ADAMTS20: variants seen among roughly 807,000 people sequenced by gnomAD.
ADAMTS20 encodes the protein ADAM metallopeptidase with thrombospondin type 1 motif 20.
ADAMTS20 carries 225 observed loss-of-function variants against 260.1 expected under a neutral mutation model. The ratio of observed to expected loss-of-function variants is 0.87; its 90% confidence interval spans 0.78 to 0.97. ADAMTS20 has a LOEUF of 0.97. ADAMTS20 is among the 50% of genes least tolerant of loss of function. The probability of loss-of-function intolerance (pLI) is 0.00; values close to 1 mark genes in which losing one functional copy is unlikely to be tolerated. For synonymous variants in ADAMTS20, 802 were observed against 769.5 expected, an observed-to-expected ratio of 1.04 and a Z score of -0.70; for missense variants, 2,400 against 2,337.7, an observed-to-expected ratio of 1.03 and a Z score of -0.55.
At chr12:43,529,275 G>A (rs912311218) in intron 3 of ADAMTS20, among the ~76,000 whole-genome samples, 11 of 152,072 alleles carry the variant, frequency 7.2e-5, no homozygotes, top group African/African-American at 2.2e-4. Context: ...TAGATCCACC[G>A]ATTGATCCAG....
Position 43,431,407 on chromosome 12 carries a change from T to G in ADAMTS20, c.3186A>C (p.Ser1062=). Residue 1062 remains serine, a synonymous_variant, in exon 22 of 39, where the codon TCA becomes TCC. Coordinates refer to ENST00000389420, the MANE Select transcript of ADAMTS20 (RefSeq NM_025003.5). ...GACTCAGAGATTCAGGTTTGGTACT[T>G]GAATTACAGAAGCCATCACTCAAGT... The part of the protein sequence containing the change: ...VDHLSDGFCN[S]STKPESLSPC... 6.2e-7 allele frequency: 1 copy of G among 1,613,936 alleles called. No individual in the cohort carries two copies. Among genetic ancestry groups the G allele is most frequent in the Non-Finnish European group, 8.5e-7 (1 of 1,179,844 alleles).
At chr12:43,384,033 A>G (rs979400411) in intron 29 of ADAMTS20, 56 bp from the exon 30 acceptor site, 72 of 1,487,466 alleles carry the variant, frequency 4.8e-5, no homozygotes, top group Middle Eastern at 3.5e-4. Context: ...AAATTATATA[A>G]AAGTAGCCAA....
At chr12:43,466,542 ATAAATT>A (rs1592083640) in intron 9 of ADAMTS20, 104 bp downstream of exon 9, 1 of 1,009,312 alleles carries the variant, frequency 9.9e-7, no homozygotes. Context: ...GAAAGTAAAC[ATAAATT>A]TAAACAAGAA....
chr12:43,365,237 C>T lies in ADAMTS20; in HGVS notation c.5538+4053G>A, dbSNP rs139124673. On this transcript the variant is annotated intron_variant, in intron 37 of 38. Coordinates refer to ENST00000389420, the MANE Select transcript of ADAMTS20 (RefSeq NM_025003.5). ...AGAGGACTTCTTGCTAGCACATCTA[C>T]TTTACAAGACATACTAAAGGAAGTT... 8.1e-4 allele frequency among the ~76,000 whole-genome samples: 124 copies of T among 152,154 alleles called. 2 individuals are homozygous for T. Among genetic ancestry groups the T allele is most frequent in the African/African-American group, 2.6e-3 (110 of 41,568 alleles).
intron 18 of ADAMTS20, among the ~76,000 whole-genome samples, chr12:43,437,384 T>G (rs1941577347): frequency 6.6e-6 from 1 of 152,166 alleles, no homozygotes. Flanking sequence ...CAAAGATTTA[T>G]GTTTCCAAAT....
intron 7 of ADAMTS20, 43 bp from the exon 8 acceptor site, chr12:43,468,748 T>C: frequency 8.8e-7 from 1 of 1,137,388 alleles, no homozygotes; most frequent in East Asian, 2.4e-5. Flanking sequence ...TGGAAAACAC[T>C]ACCAAAATCA....
Position 43,431,366 on chromosome 12 carries a change from G to T in ADAMTS20, c.3227C>A (p.Thr1076Lys). ...PESLSPCELH[T>K]CASWQVGPWG... The stretch of plus-strand genomic sequence containing the variant: ...TGGTCCTACTTGCCAGGAAGCACAT[G>T]TATGAAGTTCACATGGACTCAGAGA... Residue 1076 changes from threonine to lysine, a missense_variant, in exon 22 of 39, where the codon ACA becomes AAA. Physicochemically the swap from Thr to Lys is moderately conservative, Grantham distance 78. Transcript: ENST00000389420. 1 of 1,613,944 alleles carries T rather than the reference G, an allele frequency of 6.2e-7. No homozygotes were observed. The highest frequency in any genetic ancestry group is 8.5e-7 in the Non-Finnish European group (1 of 1,179,856).
chr12:43,549,693 A>G (rs992556387), intron 2 of ADAMTS20, among the ~76,000 whole-genome samples: 1 of 152,162 alleles, frequency 6.6e-6, no homozygotes, highest in African/African-American at 2.4e-5. Context: ...GGCTATGTAA[A>G]TATTAGAGTG....
intron 28 of ADAMTS20, among the ~76,000 whole-genome samples, chr12:43,416,524 CTTTT>C (rs59341765): frequency 7.7e-6 from 1 of 130,710 alleles, no homozygotes. Context: ...TCAAACTGAC[CTTTT>C]TTTTTTTTTT....
chr12:43,466,052 AT>A (rs1942147072), intron 9 of ADAMTS20, among the ~76,000 whole-genome samples: 1 of 152,016 alleles, frequency 6.6e-6, no homozygotes, highest in Admixed American at 6.6e-5. Flanking sequence ...AAGAAACACC[AT>A]TTGGATAAAA....
intron 16 of ADAMTS20, among the ~76,000 whole-genome samples, chr12:43,440,292 G>A (rs952715951): frequency 2.0e-5 from 3 of 152,010 alleles, no homozygotes; most frequent in African/African-American, 4.8e-5. Flanking sequence ...GAGATTACAG[G>A]CATGCGCCAC....
intron 28 of ADAMTS20, among the ~76,000 whole-genome samples, chr12:43,405,056 C>G (rs1166102362): frequency 6.6e-6 from 1 of 151,468 alleles, no homozygotes; most frequent in Non-Finnish European, 1.5e-5. Context: ...TAAACTACTA[C>G]TCCTTAAACA....
chr12:43,464,630 C>A lies in ADAMTS20; in HGVS notation c.1470G>T (p.Glu490Asp). ...GSRYDGNKQC[E>D]LAFGPGSQMC... ...TTTGTGACCCAGGACCAAACGCAAG[C>A]TCACACTGCTTGTTTCCATCATATC... The change falls in exon 10 of 39, where the codon GAG becomes GAT. Residue 490 changes from glutamate (E) to aspartate (D), a missense_variant. Coordinates refer to ENST00000389420, the MANE Select transcript of ADAMTS20 (RefSeq NM_025003.5). 1 of 1,613,394 alleles carries A rather than the reference C, an allele frequency of 6.2e-7. No individual in the cohort carries two copies. The highest frequency in any genetic ancestry group is 8.5e-7 in the Non-Finnish European group (1 of 1,179,476).
chr12:43,549,741 GAAGA>G (rs1183537319), intron 2 of ADAMTS20, among the ~76,000 whole-genome samples: 2 of 152,084 alleles, frequency 1.3e-5, no homozygotes, highest in Admixed American at 1.3e-4. Context: ...ATTTTACATG[GAAGA>G]AAGAAAGGAA....
At chr12:43,411,692 A>C (rs1169947717) in intron 28 of ADAMTS20, among the ~76,000 whole-genome samples, 1 of 152,186 alleles carries the variant, frequency 6.6e-6, no homozygotes, top group Non-Finnish European at 1.5e-5. Context: ...TAATACCATA[A>C]GCTAAACATC....
intron 28 of ADAMTS20, among the ~76,000 whole-genome samples, chr12:43,409,629 A>AAAAAAAAAAAAAAAAAT: frequency 7.0e-6 from 1 of 142,286 alleles, no homozygotes; most frequent in Non-Finnish European, 1.5e-5. Context: ...AAAAAAAAAA[A>AAAAAAAAAAAAAAAAAT]ACAAGAAAAT....
chr12:43,446,609 T>C lies in ADAMTS20; in HGVS notation c.2183A>G (p.Asn728Ser), dbSNP rs2137339221. 1 of 1,612,758 alleles carries C rather than the reference T, an allele frequency of 6.2e-7. No homozygotes were observed. Among genetic ancestry groups the C allele is most frequent in the Admixed American group, 1.7e-5 (1 of 59,886 alleles). ...SSCKTITGVF[N>S]SSHYGYNVVV... The stretch of plus-strand genomic sequence containing the variant: ...ACACAACTTACCATAATGAGAACTG[T>C]TGAAGACACCTGTTATTGTCTTGCA... Residue 728 changes from asparagine to serine, a missense_variant, in exon 15 of 39, where the codon AAC becomes AGC. Asn to Ser is a conservative substitution (Grantham distance 46). Coordinates refer to ENST00000389420, the MANE Select transcript of ADAMTS20 (RefSeq NM_025003.5).
At chr12:43,428,023 A>C (rs919391017) in intron 26 of ADAMTS20, among the ~76,000 whole-genome samples, 10 of 152,174 alleles carry the variant, frequency 6.6e-5, no homozygotes, top group African/African-American at 2.4e-4. Context: ...TTTACAGTAC[A>C]TTCCTCTGTA....
Position 43,427,603 on chromosome 12 carries a change from A to C in ADAMTS20, c.3946-134T>G, listed in dbSNP as rs570327762. ...TTAGAATCTCCTTCATTGGAATCACAATTTGAATTGAGAAAATCTATCAAA... is the reference window on the plus strand; with the variant it reads ...TTAGAATCTCCTTCATTGGAATCACCATTTGAATTGAGAAAATCTATCAAA... On this transcript the variant is annotated intron_variant, in intron 26 of 38. Coordinates refer to ENST00000389420, the MANE Select transcript of ADAMTS20 (RefSeq NM_025003.5). 3.7e-4 allele frequency: 308 copies of C among 830,056 alleles called. No individual in the cohort carries two copies. The African/African-American group carries it at 5.1e-3, about 14-fold the overall frequency. 51.4% of individuals were successfully genotyped at this position (830,056 alleles called of 1,614,324 possible). A position where few individuals can be genotyped will look rare whatever the true frequency, so the allele number is the denominator to read the frequency against.
Sources: gnomAD v4.1 joint callset for allele counts (sites outside exome capture counted in the v4.1 genomes callset) on GRCh38, gnomAD v4.1.1 for gene constraint, MANE v1.5 for transcripts, NCBI Gene and HGNC (gene_info 2026-07-23, HGNC 2026-07-21) for gene names.